The following IYD variants were observed in gnomAD, a reference collection of about 807,000 sequenced individuals.
The protein encoded by IYD is iodotyrosine deiodinase.
Under a neutral mutation model 28.4 loss-of-function variants are expected in IYD, and 25 were observed. The ratio of observed to expected loss-of-function variants is 0.88; its 90% CI spans 0.64 to 1.23. IYD has a LOEUF of 1.23. Among genes scored for constraint, IYD ranks in the 50% most tolerant of loss-of-function variants. IYD has a pLI of 0.00. For synonymous variants in IYD, 140 were observed against 130.8 expected, an observed-to-expected ratio of 1.07 and a Z score of -0.48; for missense variants, 352 against 357.9, an observed-to-expected ratio of 0.98 and a Z score of 0.13.
intron 1 of IYD, among the ~76,000 whole-genome samples, chr6:150,374,946 G>A (rs1777392091): frequency 6.6e-6 from 1 of 151,938 alleles, no homozygotes; most frequent in African/African-American, 2.4e-5. Flanking sequence ...AGCCCTTTTT[G>A]CTCTGAAGTT....
intron 1 of IYD, among the ~76,000 whole-genome samples, chr6:150,374,345 A>G (rs1777370588): frequency 6.6e-6 from 1 of 152,244 alleles, no homozygotes; most frequent in South Asian, 2.1e-4. Context: ...CAGAGGGGCT[A>G]TGGTCTAACG....
chr6:150,385,051 CT>C (rs999252779), intron 1 of IYD: 5 of 152,240 alleles, frequency 3.3e-5, no homozygotes, highest in Non-Finnish European at 7.4e-5. Flanking sequence ...GCTTGCAGAA[CT>C]TTCTGAACAG....
chr6:150,379,284 C>T (rs186921788), intron 1 of IYD, among the ~76,000 whole-genome samples: 32 of 152,312 alleles, frequency 2.1e-4, no homozygotes, highest in African/African-American at 7.7e-4. Flanking sequence ...AATCTGCACA[C>T]CCCTGTCATT....
intron 1 of IYD, among the ~76,000 whole-genome samples, chr6:150,379,420 A>G (rs1279808848): frequency 6.6e-6 from 1 of 152,126 alleles, no homozygotes; most frequent in East Asian, 1.9e-4. Context: ...CCTCTTTCTT[A>G]TTCCTCAAGT....
In IYD at chr6:150,389,928, T is replaced by G. The variant is rs140000275; in HGVS notation, c.370+385T>G. Among the ~76,000 whole-genome samples the G allele has an allele frequency of 9.7e-3, 1,470 of 151,914 alleles. 17 individuals are homozygous for G. The highest frequency in any genetic ancestry group is 0.03 in the African/African-American group (1,237 of 41,368). On this transcript the variant is annotated intron_variant, in intron 2 of 4. Coordinates refer to ENST00000344419, the MANE Select transcript of IYD (RefSeq NM_203395.3). ...ACTCGCATACTCACAGTTATATTTG[T>G]TTTTTTTGGAAGCAAATTTCTTATA... is the stretch of plus-strand genomic sequence containing the variant.
chr6:150,389,132 GCAGCTGGGAATACA>G (rs1392783337), intron 1 of IYD, among the ~76,000 whole-genome samples: 1 of 152,176 alleles, frequency 6.6e-6, no homozygotes, highest in Non-Finnish European at 1.5e-5. Context: ...TGTCTCCAGA[GCAGCTGGGAATACA>G]CATGTGAGCC....
In IYD at chr6:150,392,406, C is replaced by T. The variant is rs147097902; in HGVS notation, c.432C>T (p.Asp144=). Residue 144 remains aspartate (D), a synonymous_variant, in exon 3 of 5, where the codon GAC becomes GAT. Coordinates refer to ENST00000344419, the MANE Select transcript of IYD (RefSeq NM_203395.3). ...PWTFVVVKDP[D]VKHKIRKIIE... ...CCTTCGTGGTTGTGAAGGACCCAGA[C>T]GTGAAGCACAAGATTCGAAAGATCA... 42 of 1,613,666 alleles carry T rather than the reference C, an allele frequency of 2.6e-5. 1 individual carries two copies. The African/African-American group carries it at 2.7e-4, about 10-fold the overall frequency.
rs1778446776 is a variant in IYD at position 150,399,633 on chromosome 6, A to C, written c.*1396A>C. ...CCTTGAGAAAACTCTCTCTATAAAA[A>C]ATTTCCATAGAGTATGTGGCTGATA... On this transcript the variant is annotated 3_prime_UTR_variant, in exon 5 of 5. Coordinates refer to ENST00000344419, the MANE Select transcript of IYD (RefSeq NM_203395.3). 6.6e-6 allele frequency: 1 copy of C among 152,084 alleles called. No individual in the cohort carries two copies. Among genetic ancestry groups the C allele is most frequent in the African/African-American group, 2.4e-5 (1 of 41,366 alleles). The allele number at this position is 152,084 out of a possible 1,614,324, so 9.4% of individuals were successfully genotyped here.
At chr6:150,388,707 T>C (rs1407144538) in intron 1 of IYD, among the ~76,000 whole-genome samples, 10 of 131,792 alleles carry the variant, frequency 7.6e-5, no homozygotes, top group South Asian at 2.4e-4. Context: ...TCCTTTCTCT[T>C]TTTTTTTTTT....
chr6:150,377,218 T>C lies in IYD; in HGVS notation c.178+8009T>C, dbSNP rs186783766. On this transcript the variant is annotated intron_variant, in intron 1 of 4. Coordinates refer to ENST00000344419, the MANE Select transcript of IYD (RefSeq NM_203395.3). ...AAAAGCAGACCATAATAGTATACAT[T>C]TGCTTTGCACTGTGTGGACCTTCGA... is the stretch of plus-strand genomic sequence containing the variant. Among the ~76,000 whole-genome samples, 40 of 152,320 alleles carry C rather than the reference T, an allele frequency of 2.6e-4. 1 individual carries two copies. The East Asian group carries it at 6.6e-3, about 25-fold the overall frequency.
At chr6:150,391,170 G>A (rs1778104238) in intron 2 of IYD, among the ~76,000 whole-genome samples, 1 of 151,222 alleles carries the variant, frequency 6.6e-6, no homozygotes, top group African/African-American at 2.4e-5. Context: ...CCGGGAGGTG[G>A]AAGTTGCACT....
intron 1 of IYD, chr6:150,370,579 C>T: frequency 2.0e-6 from 2 of 985,382 alleles, no homozygotes; most frequent in Non-Finnish European, 2.4e-6. Context: ...TGCTCTCCTA[C>T]ATTGAAACCT....
chr6:150,397,937 A>G, intron 4 of IYD, 118 bp from the exon 5 acceptor site: 1 of 1,055,232 alleles, frequency 9.5e-7, no homozygotes. Context: ...TTGCTGCCCA[A>G]CTTCAGGGAA....
In IYD at chr6:150,369,159, G is replaced by T. The variant is rs1777130094; in HGVS notation, c.128G>T (p.Trp43Leu). The T allele has an allele frequency of 1.9e-6, 3 of 1,613,786 alleles. No homozygotes were observed. Among genetic ancestry groups the T allele is most frequent in the Non-Finnish European group, 2.5e-6 (3 of 1,179,998 alleles). ...EPRTRAEARP[W>L]VDEDLKDSSD... The stretch of plus-strand genomic sequence containing the variant: ...AGAACCAGGGCCGAAGCTCGCCCCT[G>T]GGTGGATGAAGACTTAAAAGACAGC... The change falls in exon 1 of 5, where the codon TGG becomes TTG. Residue 43 changes from tryptophan (W) to leucine (L), a missense_variant. By Grantham distance (61) the Trp-to-Leu change is moderately conservative. Coordinates refer to ENST00000344419, the MANE Select transcript of IYD (RefSeq NM_203395.3).
In IYD at chr6:150,403,419, C is replaced by CA. The variant is rs1027316191; in HGVS notation, c.*5186dup. ...CCCTTCTCCTGCCCCACTCAGCCCA[C>CA]AAAATAGGCTGGACACTCAAAAAAC... On this transcript the variant is annotated 3_prime_UTR_variant, in exon 5 of 5. Transcript: ENST00000344419. 2.6e-5 allele frequency: 4 copies of CA among 152,212 alleles called. No homozygotes were observed. The highest frequency in any genetic ancestry group is 7.2e-5 in the African/African-American group (3 of 41,444). The allele number at this position is 152,212 out of a possible 1,614,324, so 9.4% of individuals were successfully genotyped here.
intron 1 of IYD, among the ~76,000 whole-genome samples, chr6:150,382,169 G>A (rs633945): frequency 0.4 from 60,678 of 151,948 alleles, 13,614 homozygotes; most frequent in Non-Finnish European, 0.52. Flanking sequence ...CACATCTAAT[G>A]ACTGATTGCA....
chr6:150,393,955 C>A, intron 3 of IYD, 144 bp from the exon 4 acceptor site: 1 of 874,056 alleles, frequency 1.1e-6, no homozygotes, highest in Non-Finnish European at 1.7e-6. Context: ...TGGAATGAGA[C>A]AAAAACAAAA....
chr6:150,394,639 T>C (rs1391545390), intron 4 of IYD, among the ~76,000 whole-genome samples: 2 of 152,202 alleles, frequency 1.3e-5, no homozygotes, highest in Admixed American at 6.5e-5. Context: ...GAAGGGCTCT[T>C]CATAGAGGCC....
At position 150,379,371 on chromosome 6, in the gene IYD, G is replaced by A. The variant is rs371201602; in HGVS notation, c.179-9981G>A. The stretch of plus-strand genomic sequence containing the variant: ...GTCTACAGCGTCTGTATGGATCTGC[G>A]TTTTTCACATTGTCTGCTAAATATA... On this transcript the variant is annotated intron_variant, in intron 1 of 4. Transcript: ENST00000344419. 2.6e-3 allele frequency among the ~76,000 whole-genome samples: 393 copies of A among 152,266 alleles called. 2 individuals are homozygous for A. The highest frequency in any genetic ancestry group is 7.5e-3 in the African/African-American group (311 of 41,552).
Sources: allele counts gnomAD v4.1 joint callset (sites outside exome capture counted in the v4.1 genomes callset), GRCh38; gene constraint gnomAD v4.1.1; transcripts MANE v1.5; gene names NCBI Gene and HGNC (gene_info 2026-07-23, HGNC 2026-07-21).